NELL1: variants seen among roughly 807,000 people sequenced by gnomAD.
NELL1 encodes the protein protein kinase C-binding protein NELL1.
Under a neutral mutation model 107.4 loss-of-function variants are expected in NELL1, and 76 were observed. The ratio of observed to expected loss-of-function variants is 0.71; its 90% CI spans 0.59 to 0.86. NELL1 has a LOEUF of 0.86. Ranked by LOEUF, NELL1 falls within the 40% of genes least tolerant of loss-of-function variation. The probability of loss-of-function intolerance (pLI) is 0.00; values close to 1 mark genes in which losing one functional copy is unlikely to be tolerated. For synonymous variants in NELL1, 353 were observed against 341.2 expected (o/e 1.03, Z -0.38); for missense variants, 1,024 against 1,005.5 (o/e 1.02, Z -0.25).
At chr11:20,706,297 A>T (rs531768821) in intron 2 of NELL1, among the ~76,000 whole-genome samples, 183 of 152,330 alleles carry the variant, frequency 1.2e-3, no homozygotes, top group African/African-American at 4.3e-3. Flanking sequence ...ACTGGATATA[A>T]GAAAATGTGG....
intron 13 of NELL1, among the ~76,000 whole-genome samples, chr11:21,114,959 G>T (rs1855196211): frequency 1.3e-5 from 2 of 151,984 alleles, no homozygotes; most frequent in Admixed American, 1.3e-4. Context: ...GAAGAAGGCA[G>T]TGAATATCCT....
At chr11:21,242,098 T>G (rs1858377778) in intron 14 of NELL1, among the ~76,000 whole-genome samples, 1 of 151,568 alleles carries the variant, frequency 6.6e-6, no homozygotes. Context: ...GAGAAAATGT[T>G]TACGGTAAAA....
chr11:20,863,974 GGC>G (rs1167573543), intron 4 of NELL1, among the ~76,000 whole-genome samples: 8 of 151,376 alleles, frequency 5.3e-5, no homozygotes, highest in African/African-American at 2.0e-4. Flanking sequence ...CAGGCGTGGC[GGC>G]GCGCGCCTGC....
rs568913904 is a variant in NELL1 at position 21,390,176 on chromosome 11, T to G, written c.1645+19228T>G. Among the ~76,000 whole-genome samples the G allele has an allele frequency of 9.7e-4, 148 of 151,856 alleles. 1 individual carries two copies. Among genetic ancestry groups the G allele is most frequent in the Non-Finnish European group, 1.4e-3 (94 of 67,858 alleles). ...TACCTAGTGGAACATATATGCTTAT[T>G]GATCATTTGGTTATACTGGCTTGTA... On this transcript the variant is annotated intron_variant, in intron 15 of 19. Coordinates refer to ENST00000357134, the MANE Select transcript of NELL1 (RefSeq NM_006157.5).
chr11:21,409,013 G>A (rs544554501), intron 15 of NELL1, among the ~76,000 whole-genome samples: 35 of 152,196 alleles, frequency 2.3e-4, no homozygotes, highest in Admixed American at 9.2e-4. Context: ...CATTGTGGAA[G>A]TCAGTGTGGC....
chr11:21,035,968 A>G (rs1033850373), intron 12 of NELL1, among the ~76,000 whole-genome samples: 1 of 152,168 alleles, frequency 6.6e-6, no homozygotes, highest in Admixed American at 6.6e-5. Context: ...AGACTACATG[A>G]TCTTGTAAGT....
chr11:21,459,250 T>G (rs1945415), intron 15 of NELL1, among the ~76,000 whole-genome samples: 133,638 of 151,362 alleles, frequency 0.88, 59,044 homozygotes, highest in East Asian at 0.98. Flanking sequence ...TACTTGTAGG[T>G]CCACCAGTTC....
At chr11:20,857,058 C>T (rs1366997) in intron 4 of NELL1, among the ~76,000 whole-genome samples, 18,751 of 152,138 alleles carry the variant, frequency 0.12, 1,410 homozygotes, top group East Asian at 0.21. Context: ...GAAGGCTCAT[C>T]GCTATTATTG....
intron 14 of NELL1, among the ~76,000 whole-genome samples, chr11:21,347,358 T>A (rs12276672): frequency 6.6e-6 from 1 of 151,898 alleles, no homozygotes; most frequent in African/African-American, 2.4e-5. Context: ...ATCCCAGCAC[T>A]TCGGGAGGCT....
chr11:21,382,166 T>G (rs1051283598), intron 15 of NELL1, among the ~76,000 whole-genome samples: 1 of 151,840 alleles, frequency 6.6e-6, no homozygotes, highest in Admixed American at 6.6e-5. Context: ...CTGGATTCTA[T>G]TCTCCGATTC....
chr11:20,948,250 G>T (rs747294588), intron 11 of NELL1, among the ~76,000 whole-genome samples: 3 of 151,660 alleles, frequency 2.0e-5, no homozygotes, highest in Non-Finnish European at 4.4e-5. Flanking sequence ...ACTGGGTCTT[G>T]CTATGTTGCC....
At chr11:21,063,184 C>G (rs1853784246) in intron 12 of NELL1, among the ~76,000 whole-genome samples, 1 of 152,030 alleles carries the variant, frequency 6.6e-6, no homozygotes, top group Non-Finnish European at 1.5e-5. Flanking sequence ...AAATCAGGAA[C>G]AGTTAAATGA....
chr11:20,936,873 G>C (rs1003028622), intron 9 of NELL1, among the ~76,000 whole-genome samples: 1 of 152,168 alleles, frequency 6.6e-6, no homozygotes, highest in African/African-American at 2.4e-5. Context: ...TGAAAGGTGA[G>C]GTGGTTCTAT....
At chr11:21,437,578 C>T (rs1407900465) in intron 15 of NELL1, among the ~76,000 whole-genome samples, 1 of 152,156 alleles carries the variant, frequency 6.6e-6, no homozygotes, top group Non-Finnish European at 1.5e-5. Context: ...ACTCTGGTCT[C>T]GAACTCCCGA....
rs945011204 is a variant in NELL1 at position 20,791,750 on chromosome 11, A to G, written c.335+7920A>G. Among the ~76,000 whole-genome samples the G allele has an allele frequency of 3.3e-5, 3 of 90,008 alleles. No individual in the cohort carries two copies. In the South Asian group the frequency reaches 1.2e-3, roughly 37 times the overall value. The allele number at this position is 90,008 out of a possible 152,430, so 59.0% of individuals were successfully genotyped here. A position where few individuals can be genotyped will look rare whatever the true frequency, so the allele number is the denominator to read the frequency against. On this transcript the variant is annotated intron_variant, in intron 3 of 19. Transcript: ENST00000357134. ...TGGAGGTTTTTTTTTTTTTTTTTCT[A>G]TTTGTAGGTGTTCTTTATCATATTG...
chr11:21,555,018 A>G (rs1856672664), intron 16 of NELL1, among the ~76,000 whole-genome samples: 1 of 151,972 alleles, frequency 6.6e-6, no homozygotes, highest in South Asian at 2.1e-4. Context: ...AACTTAGGAT[A>G]TACAAATATT....
chr11:21,031,823 C>A (rs1024145724), intron 12 of NELL1, among the ~76,000 whole-genome samples: 2 of 151,828 alleles, frequency 1.3e-5, no homozygotes, highest in Non-Finnish European at 2.9e-5. Context: ...GCGAGGCAGG[C>A]GGATCACCTG....
intron 4 of NELL1, among the ~76,000 whole-genome samples, chr11:20,854,057 T>A (rs1848836924): frequency 6.6e-6 from 1 of 152,298 alleles, no homozygotes; most frequent in African/African-American, 2.4e-5. Flanking sequence ...ATGGCTTTTA[T>A]GAAAGGATGT....
chr11:21,520,482 C>T (rs1855692149), intron 15 of NELL1, among the ~76,000 whole-genome samples: 1 of 152,038 alleles, frequency 6.6e-6, no homozygotes, highest in Non-Finnish European at 1.5e-5. Flanking sequence ...ATCTGGAGGC[C>T]ATTACATGAA....
Sources: allele counts gnomAD v4.1 joint callset (sites outside exome capture counted in the v4.1 genomes callset), GRCh38; gene constraint gnomAD v4.1.1; transcripts MANE v1.5; gene names NCBI Gene and HGNC (gene_info 2026-07-23, HGNC 2026-07-21).